Variants in XIRP2 observed in about 807,000 individuals in gnomAD.
XIRP2 encodes the protein xin actin binding repeat containing 2.
XIRP2 carries 236 observed loss-of-function variants against 277.0 expected under a neutral mutation model. The observed-to-expected ratio is 0.85, with a 90% CI of 0.77 to 0.95. XIRP2 has a LOEUF of 0.95. Ranked by LOEUF, XIRP2 falls within the 40% of genes least tolerant of loss-of-function variation. XIRP2 has a pLI of 0.00. For missense variants in XIRP2, 4,640 were observed against 4,157.5 expected (o/e 1.12, Z -3.19); for synonymous variants, 1,490 against 1,416.5 (o/e 1.05, Z -1.17).
intron 2 of XIRP2, among the ~76,000 whole-genome samples, chr2:167,115,214 G>T (rs995009760): frequency 3.9e-5 from 6 of 152,062 alleles, no homozygotes; most frequent in Non-Finnish European, 5.9e-5. Flanking sequence ...AGATCCGTTT[G>T]GTTCTTTTGT....
chr2:167,005,013 G>A (rs546962767), intron 2 of XIRP2, among the ~76,000 whole-genome samples: 66 of 151,898 alleles, frequency 4.3e-4, no homozygotes, highest in African/African-American at 1.4e-3. Flanking sequence ...TTTTGTAGCA[G>A]ACAGATCAGG....
chr2:167,219,075 A>G (rs1694346044), intron 5 of XIRP2, among the ~76,000 whole-genome samples: 1 of 152,168 alleles, frequency 6.6e-6, no homozygotes, highest in East Asian at 1.9e-4. Context: ...CCCGGGACAT[A>G]TAGAGTTGCC....
Position 167,248,475 on chromosome 2 carries a change from G to C in XIRP2, c.7083G>C (p.Ser2361=), listed in dbSNP as rs755408315. ...VDEKSERESS[S]MFLPPPPPPT... is the part of the protein sequence containing the mutation. ...AGAAATCTGAAAGAGAAAGTTCATC[G>C]ATGTTTCTGCCGCCTCCTCCTCCTC... Residue 2361 remains serine (S), a synonymous_variant, in exon 9 of 11, where the codon TCG becomes TCC. Coordinates refer to ENST00000409195, the MANE Select transcript of XIRP2 (RefSeq NM_152381.6). 6 of 1,613,410 alleles carry C rather than the reference G, an allele frequency of 3.7e-6. No individual in the cohort carries two copies. The East Asian group carries it at 1.1e-4, about 30-fold the overall frequency.
intron 5 of XIRP2, 68 bp from the exon 6 acceptor site, chr2:167,239,787 G>A: frequency 1.5e-6 from 2 of 1,316,728 alleles, no homozygotes; most frequent in South Asian, 2.7e-5. Flanking sequence ...CACTGAAATT[G>A]CACAAATAAA....
At chr2:167,088,668 G>A (rs1004044915) in intron 2 of XIRP2, among the ~76,000 whole-genome samples, 4 of 152,100 alleles carry the variant, frequency 2.6e-5, no homozygotes, top group Non-Finnish European at 5.9e-5. Flanking sequence ...TTCCTTGTCC[G>A]TTGTGCCCCA....
At chr2:166,972,628 A>G (rs1457976236) in intron 2 of XIRP2, among the ~76,000 whole-genome samples, 2 of 152,194 alleles carry the variant, frequency 1.3e-5, no homozygotes, top group African/African-American at 4.8e-5. Context: ...AGATAGTAGT[A>G]AAATGGAGGC....
chr2:166,999,003 C>T (rs1430497800), intron 2 of XIRP2, among the ~76,000 whole-genome samples: 1 of 152,098 alleles, frequency 6.6e-6, no homozygotes, highest in East Asian at 1.9e-4. Context: ...ATCTACATTT[C>T]TTAAATTCAA....
intron 3 of XIRP2, 21 bp downstream of exon 3, chr2:167,136,083 T>C (rs777783452): frequency 1.1e-5 from 17 of 1,577,278 alleles, no homozygotes; most frequent in Non-Finnish European, 1.4e-5. Flanking sequence ...CATTTTGATA[T>C]GCTTTCTTGA....
chr2:167,031,429 A>T lies in XIRP2; in HGVS notation c.409-104480A>T, dbSNP rs1043798199. Among the ~76,000 whole-genome samples the T allele has an allele frequency of 2.0e-4, 30 of 152,124 alleles. 1 individual carries two copies. The highest frequency in any genetic ancestry group is 1.8e-3 in the Admixed American group (27 of 15,260). Reference sequence around the variant, plus strand: ...CTTGGCATTTGCTTGTCTTTAAAGGATTTTATTTCTCCTTCACTTATGAAG... The same window carrying T: ...CTTGGCATTTGCTTGTCTTTAAAGGTTTTTATTTCTCCTTCACTTATGAAG... On this transcript the variant is annotated intron_variant, in intron 2 of 10. Transcript: ENST00000409195.
intron 2 of XIRP2, among the ~76,000 whole-genome samples, chr2:166,999,142 G>T (rs905363512): frequency 1.3e-5 from 2 of 151,996 alleles, no homozygotes; most frequent in African/African-American, 2.4e-5. Flanking sequence ...ATTTGCTTAG[G>T]TTGAGGGATT....
Position 166,903,733 on chromosome 2 carries a change from G to A in XIRP2, c.251G>A (p.Ser84Asn), listed in dbSNP as rs1684444147. The part of the protein sequence containing the change: ...KPEEKDSVDK[S>N]NNTREYGRPE... The stretch of plus-strand genomic sequence containing the variant: ...GAAGAGAAGGATTCTGTGGACAAGA[G>A]TAACAACACCAGGGAATATGGTCGG... The change falls in exon 2 of 11, where the codon AGT becomes AAT. Residue 84 changes from serine to asparagine, a missense_variant. Ser to Asn is a conservative substitution (Grantham distance 46). Coordinates refer to ENST00000409195, the MANE Select transcript of XIRP2 (RefSeq NM_152381.6). The A allele has an allele frequency of 6.2e-7, 1 of 1,613,690 alleles. No individual in the cohort carries two copies. Among genetic ancestry groups the A allele is most frequent in the East Asian group, 2.2e-5 (1 of 44,796 alleles).
rs187678655 is a variant in XIRP2 at position 166,923,317 on chromosome 2, C to T, written c.408+19427C>T. 7.0e-4 allele frequency among the ~76,000 whole-genome samples: 106 copies of T among 152,176 alleles called. 3 individuals carry two copies. In the East Asian group the frequency reaches 0.018, roughly 26 times the overall value. On this transcript the variant is annotated intron_variant, in intron 2 of 10. Coordinates refer to ENST00000409195, the MANE Select transcript of XIRP2 (RefSeq NM_152381.6). ...TTATTTGGTATATTGCTCAAAAGAG[C>T]CTGAATAGAATATATCTAATGAAAT... is the stretch of plus-strand genomic sequence containing the variant.
intron 2 of XIRP2, among the ~76,000 whole-genome samples, chr2:167,100,192 T>G (rs1690451292): frequency 6.6e-6 from 1 of 152,008 alleles, no homozygotes; most frequent in Admixed American, 6.6e-5. Flanking sequence ...AAAAAAAAAT[T>G]ACAAAATCAT....
chr2:166,894,026 A>C (rs1684177663), intron 1 of XIRP2, among the ~76,000 whole-genome samples: 1 of 152,142 alleles, frequency 6.6e-6, no homozygotes, highest in Non-Finnish European at 1.5e-5. Context: ...ACCTAGTCAA[A>C]GATAATTTTT....
intron 3 of XIRP2, among the ~76,000 whole-genome samples, chr2:167,148,435 A>G (rs984676446): frequency 2.0e-5 from 3 of 147,908 alleles, no homozygotes; most frequent in Non-Finnish European, 4.5e-5. Context: ...AAGAAAGAAA[A>G]AGAAAAAGAA....
intron 1 of XIRP2, 69 bp from the exon 2 acceptor site, chr2:166,903,396 G>A (rs568844422): frequency 2.0e-6 from 3 of 1,465,164 alleles, no homozygotes; most frequent in Non-Finnish European, 9.2e-7. Context: ...TGCTCCTAGA[G>A]TATTTTGAGT....
Position 167,244,809 on chromosome 2 carries a change from A to C in XIRP2, c.3417A>C (p.Ile1139=), listed in dbSNP as rs752226495. ...WLFETQPLDT[I]KDDSETAVKL... ...TTGAAACTCAGCCACTTGATACCAT[A>C]AAAGATGACTCTGAAACAGCAGTCA... is the stretch of plus-strand genomic sequence containing the variant. The change falls in exon 9 of 11, where the codon ATA becomes ATC. Residue 1139 remains isoleucine (I), a synonymous_variant. Transcript: ENST00000409195. 3.1e-6 allele frequency: 5 copies of C among 1,613,702 alleles called. No individual in the cohort carries two copies. The highest frequency in any genetic ancestry group is 3.4e-6 in the Non-Finnish European group (4 of 1,179,754).
intron 5 of XIRP2, among the ~76,000 whole-genome samples, chr2:167,231,123 A>C (rs1163486332): frequency 6.6e-6 from 1 of 152,074 alleles, no homozygotes; most frequent in Non-Finnish European, 1.5e-5. Context: ...ATGTTTGTGC[A>C]GATAACCTTG....
At chr2:167,074,607 TGTGTGTGTGTGTGTGCATGTGTGTGTGC>T (rs1162244788) in intron 2 of XIRP2, among the ~76,000 whole-genome samples, 2 of 146,580 alleles carry the variant, frequency 1.4e-5, no homozygotes, top group South Asian at 2.2e-4. Context: ...TTTCTTTCTG[TGTGTGTGTGTGTGTGCATGTGTGTGTGC>T]GTGTGTGTGT....
Sources: gnomAD v4.1 joint callset for allele counts (sites outside exome capture counted in the v4.1 genomes callset) on GRCh38, gnomAD v4.1.1 for gene constraint, MANE v1.5 for transcripts, NCBI Gene and HGNC (gene_info 2026-07-23, HGNC 2026-07-21) for gene names.